Variants in CCT6A observed in about 807,000 individuals in gnomAD.
The protein encoded by CCT6A is T-complex protein 1 subunit zeta.
A neutral mutation model predicts 58.6 loss-of-function variants in CCT6A; 6 were observed. The observed-to-expected ratio is 0.10, with a 90% CI of 0.06 to 0.20. CCT6A has a LOEUF of 0.20. Among genes scored for constraint, CCT6A ranks in the 10% least tolerant of loss-of-function variants. The pLI, the probability that CCT6A is intolerant of heterozygous loss-of-function variation, is 1.00. For missense variants in CCT6A, 516 were observed against 648.8 expected, an observed-to-expected ratio of 0.80 and a Z score of 2.22; for synonymous variants, 245 against 227.8, an observed-to-expected ratio of 1.08 and a Z score of -0.68.
chr7:56,061,668 C>CTTTTTTTTTTTTTTTTTTT (rs71015174), intron 11 of CCT6A, 79 bp from the exon 12 acceptor site: 3 of 297,084 alleles, frequency 1.0e-5, no homozygotes, highest in Non-Finnish European at 1.8e-5. Flanking sequence ...TTTCTTTTTT[C>CTTTTTTTTTTTTTTTTTTT]TTTTTTTTTT....
At chr7:56,058,314 C>T (rs1402981331) in intron 6 of CCT6A, 48 bp from the exon 7 acceptor site, 1 of 1,401,566 alleles carries the variant, frequency 7.1e-7, no homozygotes, top group Non-Finnish European at 9.7e-7. Context: ...TCAGAAGCTG[C>T]TTTCTTAATG....
At chr7:56,053,805 G>C (rs1030672963) in intron 2 of CCT6A, among the ~76,000 whole-genome samples, 1 of 152,104 alleles carries the variant, frequency 6.6e-6, no homozygotes, top group Non-Finnish European at 1.5e-5. Flanking sequence ...GAAATACAGC[G>C]TAGGTAGAGA....
rs200041370 is a variant in CCT6A, at chr7:56,062,491, G to GTT, written c.1451-191_1451-190insTT. Reference sequence around the variant, plus strand: ...AGAGAGGGGTGTTCAGGACTTCTAAGTATAAGTCAGACATTCATCAAATAT... The same window carrying GTT: ...AGAGAGGGGTGTTCAGGACTTCTAAGTTTATAAGTCAGACATTCATCAAATAT... On this transcript the variant is annotated intron_variant, in intron 12 of 13. Transcript: ENST00000275603. 8.8e-5 allele frequency: 55 copies of GTT among 626,798 alleles called. No homozygotes were observed. In the East Asian group the frequency reaches 1.4e-3, roughly 16 times the overall value. 38.8% of individuals were successfully genotyped at this position (626,798 alleles called of 1,614,324 possible).
At position 56,060,136 on chromosome 7, in the gene CCT6A, A is replaced by G. The variant is rs935078433; in HGVS notation, c.1066-133A>G. On this transcript the variant is annotated intron_variant, in intron 9 of 13. Transcript: ENST00000275603. ...CATTTCTTTTATGTGATTTTTCAAA[A>G]GGAGATAATTTGCTTTAATGTGATC... 5.9e-6 allele frequency: 4 copies of G among 681,724 alleles called. No homozygotes were observed. In the African/African-American group the frequency reaches 7.2e-5, roughly 12 times the overall value. 42.2% of individuals were successfully genotyped at this position (681,724 alleles called of 1,614,324 possible). A position where few individuals can be genotyped will look rare whatever the true frequency, so the allele number is the denominator to read the frequency against.
chr7:56,062,657 T>G (rs755071361), intron 12 of CCT6A, 26 bp from the exon 13 acceptor site: 1 of 1,597,674 alleles, frequency 6.3e-7, no homozygotes, highest in Admixed American at 1.7e-5. Context: ...TGACTGAACT[T>G]ATTTTAAGAT....
intron 12 of CCT6A, 86 bp from the exon 13 acceptor site, chr7:56,062,597 A>G (rs368090086): frequency 1.8e-6 from 2 of 1,082,174 alleles, no homozygotes; most frequent in South Asian, 2.5e-5. Context: ...ACTGGAGGAA[A>G]TGAGTCATCA....
At chr7:56,061,661 CTTTTTTCTTTTTTT>C (rs1328186607) in intron 11 of CCT6A, 72 bp from the exon 12 acceptor site, 14 of 591,594 alleles carry the variant, frequency 2.4e-5, no homozygotes, top group South Asian at 3.9e-5. Context: ...TTTTCTTTTT[CTTTTTTCTTTTTTT>C]TTTTTTTTTT....
intron 1 of CCT6A, 52 bp from the exon 2 acceptor site, chr7:56,052,370 T>C (rs1794144453): frequency 2.6e-6 from 4 of 1,530,824 alleles, no homozygotes; most frequent in East Asian, 4.5e-5. Flanking sequence ...AATGGGACTT[T>C]TAGTTATCGT....
chr7:56,059,713 T>C (rs576730840), intron 9 of CCT6A, 73 bp downstream of exon 9: 3 of 788,076 alleles, frequency 3.8e-6, no homozygotes. Context: ...TTGTTTGAGG[T>C]GGGGTCTCAC....
chr7:56,051,835 C>G lies in CCT6A; in HGVS notation c.-14C>G. Reference sequence around the variant, plus strand: ...GCACTCAGCATCGTTTCCTTTTCCTCCGCTGGAGCAGCTATGGCGGCGGTG... The same window carrying G: ...GCACTCAGCATCGTTTCCTTTTCCTGCGCTGGAGCAGCTATGGCGGCGGTG... On this transcript the variant is annotated 5_prime_UTR_variant, in exon 1 of 14. Transcript: ENST00000275603. 1.3e-6 allele frequency: 2 copies of G among 1,554,432 alleles called. No homozygotes were observed. The highest frequency in any genetic ancestry group is 8.7e-7 in the Non-Finnish European group (1 of 1,149,810).
chr7:56,057,380 CTG>C (rs935708797), intron 5 of CCT6A, among the ~76,000 whole-genome samples: 6 of 144,498 alleles, frequency 4.2e-5, no homozygotes, highest in African/African-American at 1.5e-4. Flanking sequence ...GTGTGTGTGT[CTG>C]TGTGGAGAAT....
rs778788677 is a variant in CCT6A, at chr7:56,061,840, C to G, written c.1441C>G (p.Leu481Val). 1 of 1,577,268 alleles carries G rather than the reference C, an allele frequency of 6.3e-7. No individual in the cohort carries two copies. The highest frequency in any genetic ancestry group is 8.7e-7 in the Non-Finnish European group (1 of 1,154,356). ...SESGQLVGVD[L>V]NTGEPMVAAE... The stretch of plus-strand genomic sequence containing the variant: ...ATCAGGTCAGCTTGTGGGTGTGGAC[C>G]TGAACACAGGTAAGAGAATGCAACT... The change falls in exon 12 of 14, where the codon CTG becomes GTG. Residue 481 changes from leucine (L) to valine (V), a missense_variant. Physicochemically the swap from Leu to Val is conservative, Grantham distance 32 (BLOSUM62 1). Around this residue, in one of 3 missense-constraint regions of CCT6A, gnomAD observed 315 missense variants for 389.4 expected, o/e 0.81. Transcript: ENST00000275603.
In CCT6A at chr7:56,060,876, G is replaced by C; in HGVS notation, c.1283G>C (p.Ser428Thr). ...MAEALIKHKP[S>T]VKGRAQLGVQ... Reference sequence around the variant, plus strand: ...GAAGCCCTGATTAAACATAAGCCCAGTGTAAAGGGCAGGGCACAGCTTGGA... The same window carrying C: ...GAAGCCCTGATTAAACATAAGCCCACTGTAAAGGGCAGGGCACAGCTTGGA... Residue 428 changes from serine (S) to threonine (T), a missense_variant, in exon 11 of 14, where the codon AGT (serine) becomes ACT (threonine). Coordinates refer to ENST00000275603, the MANE Select transcript of CCT6A (RefSeq NM_001762.4). 6.2e-7 allele frequency: 1 copy of C among 1,613,868 alleles called. No homozygotes were observed. Among genetic ancestry groups the C allele is most frequent in the Non-Finnish European group, 8.5e-7 (1 of 1,179,970 alleles).
rs531737080 is a variant in CCT6A at position 56,056,343 on chromosome 7, G to A, written c.543G>A (p.Lys181=). 3.8e-6 allele frequency: 6 copies of A among 1,599,292 alleles called. No homozygotes were observed. The highest frequency in any genetic ancestry group is 5.1e-6 in the Non-Finnish European group (6 of 1,166,494). ...AVVDSILAIK[K]QDEPIDLFMI... Reference sequence around the variant, plus strand: ...TGGACTCCATTTTGGCCATTAAAAAGCAAGATGAACCTATTGATCTCTTCA... The same window carrying A: ...TGGACTCCATTTTGGCCATTAAAAAACAAGATGAACCTATTGATCTCTTCA... Residue 181 remains lysine (K), a synonymous_variant, in exon 5 of 14, where the codon AAG becomes AAA. Coordinates refer to ENST00000275603, the MANE Select transcript of CCT6A (RefSeq NM_001762.4).
Position 56,057,614 on chromosome 7 carries a change from C to G in CCT6A, c.615-379C>G, listed in dbSNP as rs553392000. On this transcript the variant is annotated intron_variant, in intron 5 of 13. Coordinates refer to ENST00000275603, the MANE Select transcript of CCT6A (RefSeq NM_001762.4). ...TTAAGAAATAGGCCGGGCGCAGTGG[C>G]TCATGCCTGTAATCCCAGCACTTTG... Among the ~76,000 whole-genome samples, 6 of 152,330 alleles carry G rather than the reference C, an allele frequency of 3.9e-5. No individual in the cohort carries two copies. In the South Asian group the frequency reaches 1.2e-3, roughly 32 times the overall value.
chr7:56,063,161 C>A lies in CCT6A; in HGVS notation c.*76C>A. The A allele has an allele frequency of 9.9e-7, 1 of 1,013,170 alleles. No individual in the cohort carries two copies. Among genetic ancestry groups the A allele is most frequent in the Non-Finnish European group, 1.6e-6 (1 of 641,452 alleles). The allele number at this position is 1,013,170 out of a possible 1,614,324, so 62.8% of individuals were successfully genotyped here. A position where few individuals can be genotyped will look rare whatever the true frequency, so the allele number is the denominator to read the frequency against. Reference sequence around the variant, plus strand: ...GGATTACAGCTGTGGAATTTTTGTCCAAGCTTCAAATAATTTTGAAAGAAA... The same window carrying A: ...GGATTACAGCTGTGGAATTTTTGTCAAAGCTTCAAATAATTTTGAAAGAAA... On this transcript the variant is annotated 3_prime_UTR_variant, in exon 14 of 14. Coordinates refer to ENST00000275603, the MANE Select transcript of CCT6A (RefSeq NM_001762.4).
chr7:56,055,967 A>C, intron 4 of CCT6A, 170 bp downstream of exon 4: 1 of 567,718 alleles, frequency 1.8e-6, no homozygotes. Context: ...TTAAAATAAT[A>C]GTATACCTAA....
At chr7:56,060,685 T>TA in intron 10 of CCT6A, 122 bp from the exon 11 acceptor site, 2 of 1,269,924 alleles carry the variant, frequency 1.6e-6, no homozygotes, top group Non-Finnish European at 2.3e-6. Context: ...TTTGGTATGT[T>TA]AGTCACTTGT....
chr7:56,057,999 C>T lies in CCT6A; in HGVS notation c.621C>T (p.Ile207=), dbSNP rs756855905. 3 of 1,597,996 alleles carry T rather than the reference C, an allele frequency of 1.9e-6. No individual in the cohort carries two copies. The highest frequency in any genetic ancestry group is 2.2e-5 in the East Asian group (1 of 44,780). The change falls in exon 6 of 14, where the codon ATC becomes ATT. Residue 207 remains isoleucine, a synonymous_variant. Transcript: ENST00000275603. The part of the protein sequence containing the change: ...KHKSETDTSL[I]RGLVLDHGAR... The stretch of plus-strand genomic sequence containing the variant: ...TTTGTGTGTGTTTAAACAGCTTAAT[C>T]AGAGGGCTTGTTTTGGACCACGGAG...
Sources: gnomAD v4.1 joint callset for allele counts (sites outside exome capture counted in the v4.1 genomes callset) on GRCh38, gnomAD v4.1.1 for gene constraint, gnomAD v4.1.1 regional missense constraint, MANE v1.5 for transcripts, NCBI Gene and HGNC (gene_info 2026-07-23, HGNC 2026-07-21) for gene names.